The following PTPRT variants were observed in gnomAD, a reference collection of about 807,000 sequenced individuals.
The protein encoded by PTPRT is receptor-type tyrosine-protein phosphatase T.
In PTPRT, 56 loss-of-function variants were observed where a neutral mutation model predicts 176.8. The ratio of observed to expected loss-of-function variants is 0.32; its 90% CI spans 0.26 to 0.40. The LOEUF (loss-of-function observed/expected upper bound fraction) is 0.40, where lower values mean the gene tolerates loss of function less well. PTPRT is among the 10% of genes least tolerant of loss of function. The pLI is 1.00. For missense variants in PTPRT, 1,540 were observed against 1,908.2 expected (o/e 0.81, Z 3.60); for synonymous variants, 783 against 739.0 (o/e 1.06, Z -0.96).
At chr20:42,847,380 C>T (rs963543732) in intron 2 of PTPRT, among the ~76,000 whole-genome samples, 2 of 152,148 alleles carry the variant, frequency 1.3e-5, no homozygotes, top group Non-Finnish European at 2.9e-5. Flanking sequence ...CTCCCCGCCC[C>T]CCTCTGATTT....
At chr20:43,117,499 G>C (rs142587364) in intron 1 of PTPRT, among the ~76,000 whole-genome samples, 1 of 152,138 alleles carries the variant, frequency 6.6e-6, no homozygotes, top group East Asian at 1.9e-4. Context: ...AGACTTTTGA[G>C]TAGGAGGTGG....
intron 17 of PTPRT, among the ~76,000 whole-genome samples, chr20:42,155,131 G>T (rs1989297955): frequency 6.6e-6 from 1 of 152,170 alleles, no homozygotes; most frequent in Non-Finnish European, 1.5e-5. Context: ...CAGTGATTCT[G>T]AAATGTGGCT....
At chr20:43,138,996 T>A (rs1018250120) in intron 1 of PTPRT, among the ~76,000 whole-genome samples, 1 of 152,188 alleles carries the variant, frequency 6.6e-6, no homozygotes, top group African/African-American at 2.4e-5. Context: ...ATATTCAAGT[T>A]CCTTCCACCT....
chr20:42,577,736 G>A (rs971417169), intron 7 of PTPRT, among the ~76,000 whole-genome samples: 10 of 151,440 alleles, frequency 6.6e-5, no homozygotes, highest in African/African-American at 2.4e-4. Flanking sequence ...GGAGATGTGT[G>A]TGTCTCAAAT....
intron 16 of PTPRT, among the ~76,000 whole-genome samples, chr20:42,169,513 A>T (rs551706426): frequency 1.3e-5 from 2 of 152,240 alleles, no homozygotes; most frequent in South Asian, 4.2e-4. Context: ...AGCATCACAC[A>T]TGCCAGGATG....
At chr20:43,112,051 T>A (rs1297911427) in intron 1 of PTPRT, among the ~76,000 whole-genome samples, 2 of 152,210 alleles carry the variant, frequency 1.3e-5, no homozygotes, top group Admixed American at 1.3e-4. Flanking sequence ...TCCACTTGGG[T>A]GGGACATATC....
chr20:42,359,267 G>C (rs752787348), intron 9 of PTPRT, among the ~76,000 whole-genome samples: 1 of 152,202 alleles, frequency 6.6e-6, no homozygotes, highest in Non-Finnish European at 1.5e-5. Flanking sequence ...CCTTTGGAGG[G>C]TCTGGCTCTC....
intron 7 of PTPRT, among the ~76,000 whole-genome samples, chr20:42,552,445 A>G (rs936104209): frequency 1.3e-5 from 2 of 152,154 alleles, no homozygotes; most frequent in Admixed American, 6.6e-5. Flanking sequence ...AAAATATCCA[A>G]TCTTATCCCA....
At chr20:42,821,605 G>C (rs569760422) in intron 2 of PTPRT, among the ~76,000 whole-genome samples, 4 of 152,098 alleles carry the variant, frequency 2.6e-5, no homozygotes, top group Non-Finnish European at 5.9e-5. Context: ...AAAATAGGAA[G>C]ACAGGAAGTC....
chr20:42,682,272 C>T (rs2075616594), intron 6 of PTPRT, among the ~76,000 whole-genome samples: 1 of 151,958 alleles, frequency 6.6e-6, no homozygotes, highest in South Asian at 2.1e-4. Context: ...TAAGTGATAC[C>T]TTAAAAGTTA....
At chr20:43,159,049 G>A (rs947303571) in intron 1 of PTPRT, among the ~76,000 whole-genome samples, 1 of 152,110 alleles carries the variant, frequency 6.6e-6, no homozygotes, top group Non-Finnish European at 1.5e-5. Context: ...GTAATCCTAG[G>A]GGGCACTGGT....
chr20:42,285,855 A>G (rs1449959033), intron 12 of PTPRT, among the ~76,000 whole-genome samples: 1 of 152,038 alleles, frequency 6.6e-6, no homozygotes, highest in Non-Finnish European at 1.5e-5. Context: ...AGAATACAAA[A>G]TCAACATACA....
At chr20:42,206,840 G>T (rs112301013) in intron 15 of PTPRT, among the ~76,000 whole-genome samples, 8,345 of 152,316 alleles carry the variant, frequency 0.055, 318 homozygotes, top group Non-Finnish European at 0.089. Context: ...CTGGGGGCAG[G>T]GCACAGACAA....
At chr20:42,180,251 C>G (rs1051436048) in intron 16 of PTPRT, among the ~76,000 whole-genome samples, 1 of 152,264 alleles carries the variant, frequency 6.6e-6, no homozygotes, top group Non-Finnish European at 1.5e-5. Flanking sequence ...TTTTGACTGA[C>G]CTTTACAGCT....
At position 42,678,009 on chromosome 20, in the gene PTPRT, G is replaced by A. The variant is rs2075537712; in HGVS notation, c.1010C>T (p.Thr337Ile). ...YRTTTGTWAE[T>I]HIVDSPNYKL... ...ATAGTTGGGAGAGTCGACTATGTGGGTCTCTGCCCACGTGCCTGTGGTGGT... is the reference window on the plus strand; with the variant it reads ...ATAGTTGGGAGAGTCGACTATGTGGATCTCTGCCCACGTGCCTGTGGTGGT... The change falls in exon 7 of 31, where the codon ACC becomes ATC. Residue 337 changes from threonine (T) to isoleucine (I), a missense_variant. Transcript: ENST00000373187. 6.2e-7 allele frequency: 1 copy of A among 1,614,160 alleles called. No homozygotes were observed. The highest frequency in any genetic ancestry group is 1.1e-5 in the South Asian group (1 of 91,070).
At chr20:42,475,164 C>A (rs1379543635) in intron 7 of PTPRT, among the ~76,000 whole-genome samples, 1 of 152,118 alleles carries the variant, frequency 6.6e-6, no homozygotes, top group African/African-American at 2.4e-5. Flanking sequence ...ATCTTCTGAA[C>A]CATCTTATGA....
intron 2 of PTPRT, among the ~76,000 whole-genome samples, chr20:42,845,281 T>G (rs913160541): frequency 1.1e-4 from 7 of 64,244 alleles, no homozygotes; most frequent in Admixed American, 6.5e-4. Context: ...TGTGTGGTAA[T>G]GGCCAAGTCA....
At chr20:42,626,556 C>T (rs1368975120) in intron 7 of PTPRT, among the ~76,000 whole-genome samples, 2 of 152,164 alleles carry the variant, frequency 1.3e-5, no homozygotes, top group African/African-American at 4.8e-5. Context: ...TCTACATTGC[C>T]CTCTACACTT....
At chr20:42,480,528 C>T (rs1012416965) in intron 7 of PTPRT, among the ~76,000 whole-genome samples, 2 of 152,152 alleles carry the variant, frequency 1.3e-5, no homozygotes, top group African/African-American at 4.8e-5. Context: ...ATATCCTGAA[C>T]CTCTGAGATG....
Sources: gnomAD v4.1 joint callset for allele counts (sites outside exome capture counted in the v4.1 genomes callset) on GRCh38, gnomAD v4.1.1 for gene constraint, MANE v1.5 for transcripts, NCBI Gene and HGNC (gene_info 2026-07-23, HGNC 2026-07-21) for gene names.